ARHGAP10: variants seen among roughly 807,000 people sequenced by gnomAD.
ARHGAP10 encodes rho GTPase-activating protein 10.
In ARHGAP10, 87 loss-of-function variants were observed where a neutral mutation model predicts 108.6. The ratio of observed to expected loss-of-function variants is 0.80; its 90% confidence interval spans 0.67 to 0.96. The LOEUF is 0.96. Ranked by LOEUF, ARHGAP10 falls within the 40% of genes least tolerant of loss-of-function variation. ARHGAP10 has a pLI of 0.00. For synonymous variants in ARHGAP10, 347 were observed against 341.1 expected, an observed-to-expected ratio of 1.02 and a Z score of -0.19; for missense variants, 939 against 954.5, an observed-to-expected ratio of 0.98 and a Z score of 0.21.
chr4:148,072,334 G>T lies in ARHGAP10; in HGVS notation c.*253G>T. 1 of 417,728 alleles carries T rather than the reference G, an allele frequency of 2.4e-6. No individual in the cohort carries two copies. The allele number at this position is 417,728 out of a possible 1,614,324, so 25.9% of individuals were successfully genotyped here. A position where few individuals can be genotyped will look rare whatever the true frequency, so the allele number is the denominator to read the frequency against. On this transcript the variant is annotated 3_prime_UTR_variant, in exon 23 of 23. Transcript: ENST00000336498. ...GGACTTTTCATTTGTCAAGTATTGG[G>T]ACTTGTGATTTTTAATTATCCAGCA...
intron 3 of ARHGAP10, among the ~76,000 whole-genome samples, chr4:147,827,349 TAAAG>T (rs1209707488): frequency 1.3e-5 from 2 of 152,188 alleles, no homozygotes; most frequent in African/African-American, 4.8e-5. Flanking sequence ...GAGTAAGTGG[TAAAG>T]AGCTAATTAA....
At chr4:148,058,643 A>G (rs1439604936) in intron 20 of ARHGAP10, among the ~76,000 whole-genome samples, 1 of 152,188 alleles carries the variant, frequency 6.6e-6, no homozygotes, top group East Asian at 1.9e-4. Context: ...AATGTTTTTA[A>G]TATGCGTGGA....
intron 7 of ARHGAP10, among the ~76,000 whole-genome samples, chr4:147,869,737 C>A (rs991711985): frequency 4.0e-5 from 6 of 151,698 alleles, no homozygotes; most frequent in African/African-American, 1.2e-4. Context: ...TTTCTCTCTG[C>A]GTCACCTTCA....
chr4:148,007,193 C>A (rs1190459997), intron 18 of ARHGAP10, among the ~76,000 whole-genome samples: 1 of 152,152 alleles, frequency 6.6e-6, no homozygotes, highest in East Asian at 1.9e-4. Context: ...AGTTTATTAA[C>A]CTTTTTTGTG....
chr4:147,906,750 C>G, intron 11 of ARHGAP10, 31 bp downstream of exon 11: 1 of 1,610,848 alleles, frequency 6.2e-7, no homozygotes, highest in South Asian at 1.1e-5. Context: ...AGTTTTATTT[C>G]AAAGCCTTTA....
intron 13 of ARHGAP10, among the ~76,000 whole-genome samples, chr4:147,928,603 A>G (rs1011377518): frequency 6.6e-6 from 1 of 152,222 alleles, no homozygotes; most frequent in Admixed American, 6.5e-5. Flanking sequence ...ATGTTTTTCT[A>G]TCTGCTGTTC....
chr4:147,879,147 C>T (rs954544494), intron 8 of ARHGAP10, 85 bp from the exon 9 acceptor site: 34 of 1,060,134 alleles, frequency 3.2e-5, no homozygotes, highest in African/African-American at 9.5e-5. Context: ...GCGTTTTAGA[C>T]ATTTCCTCTT....
At chr4:147,745,949 G>A (rs894785040) in intron 1 of ARHGAP10, among the ~76,000 whole-genome samples, 2 of 151,066 alleles carry the variant, frequency 1.3e-5, no homozygotes, top group African/African-American at 4.9e-5. Context: ...ACCACACCTG[G>A]CTAATTTTTT....
At chr4:147,878,774 C>CTTTTTTTTTT (rs11384854) in intron 8 of ARHGAP10, among the ~76,000 whole-genome samples, 3 of 124,874 alleles carry the variant, frequency 2.4e-5, no homozygotes, top group Non-Finnish European at 3.3e-5. Flanking sequence ...CCTTCTTCCT[C>CTTTTTTTTTT]TTTTTTTTTT....
At chr4:147,782,737 GAA>G (rs1007420143) in intron 1 of ARHGAP10, 2 of 152,056 alleles carry the variant, frequency 1.3e-5, no homozygotes, top group Non-Finnish European at 2.9e-5. Flanking sequence ...AAACAGGAAA[GAA>G]GAGACTTCTG....
intron 1 of ARHGAP10, among the ~76,000 whole-genome samples, chr4:147,732,906 C>T (rs900174989): frequency 6.6e-6 from 1 of 152,186 alleles, no homozygotes; most frequent in African/African-American, 2.4e-5. Context: ...TTCTTTGAAA[C>T]CCTGCGGGAG....
chr4:147,876,982 G>A (rs1279929036), intron 8 of ARHGAP10, among the ~76,000 whole-genome samples: 1 of 152,188 alleles, frequency 6.6e-6, no homozygotes, highest in Non-Finnish European at 1.5e-5. Flanking sequence ...TGTTGGTAAT[G>A]TCTCCCGTAA....
At chr4:147,972,847 C>A (rs553600074) in intron 18 of ARHGAP10, among the ~76,000 whole-genome samples, 116 of 152,038 alleles carry the variant, frequency 7.6e-4, no homozygotes, top group Non-Finnish European at 1.2e-3. Context: ...CTCTGCCTAC[C>A]GGGTCCAAGT....
At chr4:147,853,293 G>A (rs974388825) in intron 4 of ARHGAP10, among the ~76,000 whole-genome samples, 11 of 152,296 alleles carry the variant, frequency 7.2e-5, no homozygotes, top group Admixed American at 4.6e-4. Flanking sequence ...CCCTGGCCAC[G>A]AATCGGTTTT....
intron 18 of ARHGAP10, among the ~76,000 whole-genome samples, chr4:148,020,547 T>G (rs538715085): frequency 5.0e-5 from 6 of 119,928 alleles, no homozygotes; most frequent in Admixed American, 4.1e-4. Context: ...GCGTTTTTTG[T>G]TTTTTTTTTT....
chr4:147,746,507 TCTC>T (rs1337752550), intron 1 of ARHGAP10, among the ~76,000 whole-genome samples: 1 of 151,534 alleles, frequency 6.6e-6, no homozygotes, highest in Non-Finnish European at 1.5e-5. Context: ...TTCAAGTGAT[TCTC>T]CTGTCTCAGC....
intron 7 of ARHGAP10, among the ~76,000 whole-genome samples, chr4:147,874,314 T>C (rs180924089): frequency 6.6e-6 from 1 of 152,332 alleles, no homozygotes; most frequent in African/African-American, 2.4e-5. Context: ...CTCGTCACAA[T>C]TGCCTTGCTA....
At chr4:147,830,677 A>G (rs1167674186) in intron 3 of ARHGAP10, among the ~76,000 whole-genome samples, 1 of 151,766 alleles carries the variant, frequency 6.6e-6, no homozygotes, top group African/African-American at 2.4e-5. Flanking sequence ...TTGCTACCAC[A>G]CCCAGCTAAT....
chr4:148,043,577 G>A (rs1269741508), intron 19 of ARHGAP10, among the ~76,000 whole-genome samples: 4 of 123,342 alleles, frequency 3.2e-5, no homozygotes, highest in African/African-American at 1.2e-4. Flanking sequence ...CTAGAAGTCC[G>A]AGACCAAGCT....
Sources: gnomAD v4.1 joint callset for allele counts (sites outside exome capture counted in the v4.1 genomes callset) on GRCh38, gnomAD v4.1.1 for gene constraint, MANE v1.5 for transcripts, NCBI Gene and HGNC (gene_info 2026-07-23, HGNC 2026-07-21) for gene names.